Variants in MAP3K21 observed in about 807,000 individuals in gnomAD.
MAP3K21 encodes mitogen-activated protein kinase kinase kinase 21.
Under a neutral mutation model 86.1 loss-of-function variants are expected in MAP3K21, and 63 were observed. That is an observed-to-expected ratio of 0.73 (90% CI 0.60 to 0.90). The LOEUF (loss-of-function observed/expected upper bound fraction) is 0.90. MAP3K21 is among the 40% of genes least tolerant of loss of function. The pLI is 0.00. For missense variants in MAP3K21, 1,220 were observed against 1,367.7 expected, an observed-to-expected ratio of 0.89 and a Z score of 1.70; for synonymous variants, 558 against 564.8, an observed-to-expected ratio of 0.99 and a Z score of 0.17.
At chr1:233,377,803 G>A (rs2102767934) in intron 8 of MAP3K21, among the ~76,000 whole-genome samples, 1 of 152,242 alleles carries the variant, frequency 6.6e-6, no homozygotes, top group East Asian at 1.9e-4. Context: ...GGAGCCCTGA[G>A]CTTGTTTTCC....
Position 233,328,176 on chromosome 1 carries a change from G to C in MAP3K21, c.148G>C (p.Glu50Gln), listed in dbSNP as rs1662731334. ...AGLWAALYDY[E>Q]ARGEDELSLR... ...GCTGTGGGCCGCGCTCTATGACTACGAGGCTCGCGGCGAGGACGAGCTGAG... is the reference window on the plus strand; with the variant it reads ...GCTGTGGGCCGCGCTCTATGACTACCAGGCTCGCGGCGAGGACGAGCTGAG... Residue 50 changes from glutamate (E) to glutamine (Q), a missense_variant, in exon 1 of 10, where the codon GAG (glutamate) becomes CAG (glutamine). Around this residue, in one of 5 missense-constraint regions of MAP3K21, gnomAD observed 369 missense variants for 385.3 expected, o/e 0.96. Coordinates refer to ENST00000366624, the MANE Select transcript of MAP3K21 (RefSeq NM_032435.3). The surrounding 1 kb of genome is among the most constrained non-coding windows in gnomAD (Gnocchi z 8.7). 2 of 1,477,202 alleles carry C rather than the reference G, an allele frequency of 1.4e-6. No homozygotes were observed. The highest frequency in any genetic ancestry group is 3.0e-5 in the East Asian group (1 of 33,766). 91.5% of individuals were successfully genotyped at this position (1,477,202 alleles called of 1,614,324 possible).
Position 233,348,830 on chromosome 1 carries a change from G to A in MAP3K21, c.986+2208G>A, listed in dbSNP as rs149017321. On this transcript the variant is annotated intron_variant, in intron 2 of 9. Coordinates refer to ENST00000366624, the MANE Select transcript of MAP3K21 (RefSeq NM_032435.3). Reference sequence around the variant, plus strand: ...TAAGAGTCCAGTACTTGTAAGTGCCGGAACCTTTTAAGAACCCAGGTCTGC... The same window carrying A: ...TAAGAGTCCAGTACTTGTAAGTGCCAGAACCTTTTAAGAACCCAGGTCTGC... Among the ~76,000 whole-genome samples the A allele has an allele frequency of 7.3e-4, 111 of 152,122 alleles. No homozygotes were observed. The Middle Eastern group carries it at 0.014, about 19-fold the overall frequency.
At chr1:233,356,724 A>G (rs1310689313) in intron 4 of MAP3K21, among the ~76,000 whole-genome samples, 1 of 152,176 alleles carries the variant, frequency 6.6e-6, no homozygotes, top group Non-Finnish European at 1.5e-5. Context: ...TGCCTAACCT[A>G]TTGTATTCTT....
chr1:233,363,448 G>A (rs1467218007), intron 5 of MAP3K21, among the ~76,000 whole-genome samples: 2 of 151,932 alleles, frequency 1.3e-5, no homozygotes, highest in Non-Finnish European at 2.9e-5. Flanking sequence ...CTGTAATCGC[G>A]GCACTTTGGT....
chr1:233,364,361 A>G (rs558530982), intron 5 of MAP3K21, among the ~76,000 whole-genome samples: 1 of 152,250 alleles, frequency 6.6e-6, no homozygotes, highest in Non-Finnish European at 1.5e-5. Context: ...TTTCTTCTCC[A>G]TTTTTCAGTT....
At chr1:233,355,719 C>T (rs1156411298) in intron 4 of MAP3K21, among the ~76,000 whole-genome samples, 1 of 152,072 alleles carries the variant, frequency 6.6e-6, no homozygotes, top group Non-Finnish European at 1.5e-5. Flanking sequence ...TCCCAGGTAC[C>T]CAGTCTCAAG....
chr1:233,351,938 G>T (rs1183019992), intron 2 of MAP3K21, among the ~76,000 whole-genome samples: 1 of 152,066 alleles, frequency 6.6e-6, no homozygotes, highest in Admixed American at 6.6e-5. Flanking sequence ...ACCCATGCTG[G>T]ACTGTGGTGG....
chr1:233,355,028 A>C lies in MAP3K21; in HGVS notation c.1311+17A>C, dbSNP rs370494634. On this transcript the variant is annotated intron_variant, in intron 4 of 9. Transcript: ENST00000366624. Reference sequence around the variant, plus strand: ...AAGGAAAAGGTGAGAGAAATTTTTAAACAGCATAATGTACTCAAATTTATG... The same window carrying C: ...AAGGAAAAGGTGAGAGAAATTTTTACACAGCATAATGTACTCAAATTTATG... The C allele has an allele frequency of 6.3e-7, 1 of 1,590,414 alleles. No homozygotes were observed. Among genetic ancestry groups the C allele is most frequent in the Non-Finnish European group, 8.6e-7 (1 of 1,160,388 alleles).
At chr1:233,365,075 G>A (rs572226067) in intron 5 of MAP3K21, among the ~76,000 whole-genome samples, 2 of 152,254 alleles carry the variant, frequency 1.3e-5, no homozygotes, top group East Asian at 3.9e-4. Context: ...TTTTCTTGGA[G>A]AATTCCGCTT....
intron 4 of MAP3K21, among the ~76,000 whole-genome samples, chr1:233,361,238 A>G (rs1663460577): frequency 6.6e-6 from 1 of 152,156 alleles, no homozygotes; most frequent in Non-Finnish European, 1.5e-5. Context: ...TAATTCTTAG[A>G]TTTTCTCTTT....
At position 233,376,067 on chromosome 1, in the gene MAP3K21, G is replaced by A. The variant is rs1248531149; in HGVS notation, c.1826+1G>A. ...AAGATAGAACAGATTGCAAAGAAAGGTACGTGTGTGGTATCTGGTGGTATT... is the reference window on the plus strand; with the variant it reads ...AAGATAGAACAGATTGCAAAGAAAGATACGTGTGTGGTATCTGGTGGTATT... On this transcript the variant is annotated splice_donor_variant, in intron 7 of 9. Transcript: ENST00000366624. LOFTEE classifies it high-confidence loss of function. 3 of 1,599,524 alleles carry A rather than the reference G, an allele frequency of 1.9e-6. No individual in the cohort carries two copies. Among genetic ancestry groups the A allele is most frequent in the Non-Finnish European group, 2.5e-6 (3 of 1,176,478 alleles).
chr1:233,348,248 C>T (rs1386284390), intron 2 of MAP3K21, among the ~76,000 whole-genome samples: 1 of 152,142 alleles, frequency 6.6e-6, no homozygotes, highest in Non-Finnish European at 1.5e-5. Context: ...TTAGAATATT[C>T]CTTTGTGACT....
Position 233,328,422 on chromosome 1 carries a change from G to T in MAP3K21, c.394G>T (p.Ala132Ser), listed in dbSNP as rs1278879074. The T allele has an allele frequency of 5.4e-6, 8 of 1,493,930 alleles. No individual in the cohort carries two copies. The highest frequency in any genetic ancestry group is 7.1e-6 in the Non-Finnish European group (8 of 1,130,048). 92.5% of individuals were successfully genotyped at this position (1,493,930 alleles called of 1,614,324 possible). A position where few individuals can be genotyped will look rare whatever the true frequency, so the allele number is the denominator to read the frequency against. ...GCTGGAGCTGAAGGAGCTCATCGGC[G>T]CTGGGGGCTTCGGGCAGGTGTACCG... The part of the protein sequence containing the change: ...ERLELKELIG[A>S]GGFGQVYRAT... Residue 132 changes from alanine to serine, a missense_variant, in exon 1 of 10, where the codon GCT becomes TCT. By Grantham distance (99) the Ala-to-Ser change is moderately conservative (BLOSUM62 1). This residue lies in a region of MAP3K21 where 369 missense variants were observed against 385.3 expected (regional missense o/e 0.96). Transcript: ENST00000366624. The surrounding 1 kb of genome is among the most constrained non-coding windows in gnomAD (Gnocchi z 8.7).
chr1:233,359,218 T>G lies in MAP3K21; in HGVS notation c.1312-2835T>G, dbSNP rs532328037. On this transcript the variant is annotated intron_variant, in intron 4 of 9. Coordinates refer to ENST00000366624, the MANE Select transcript of MAP3K21 (RefSeq NM_032435.3). ...TGTTGTATTAAAATAAAAGCATGCT[T>G]CAAGGGTGGATGTCAGCTCTTTCTC... Among the ~76,000 whole-genome samples the G allele has an allele frequency of 3.3e-5, 5 of 152,306 alleles. No individual in the cohort carries two copies. The East Asian group carries it at 5.8e-4, about 18-fold the overall frequency.
chr1:233,357,022 G>A (rs781406838), intron 4 of MAP3K21, among the ~76,000 whole-genome samples: 3 of 152,218 alleles, frequency 2.0e-5, no homozygotes, highest in Admixed American at 6.5e-5. Flanking sequence ...TGTAATCCCA[G>A]TGCTTTGGGA....
chr1:233,366,733 A>T (rs1467927810), intron 5 of MAP3K21, among the ~76,000 whole-genome samples: 1 of 152,226 alleles, frequency 6.6e-6, no homozygotes, highest in Non-Finnish European at 1.5e-5. Context: ...CTTGGTATTA[A>T]ATATGAATCA....
intron 6 of MAP3K21, among the ~76,000 whole-genome samples, chr1:233,374,503 A>C (rs779786977): frequency 2.0e-5 from 3 of 152,182 alleles, no homozygotes; most frequent in Admixed American, 6.5e-5. Flanking sequence ...AGACACGTGT[A>C]TATACACACA....
intron 2 of MAP3K21, among the ~76,000 whole-genome samples, chr1:233,352,111 T>G (rs1663262028): frequency 6.6e-6 from 1 of 152,148 alleles, no homozygotes; most frequent in South Asian, 2.1e-4. Context: ...GGTCTTGCAC[T>G]CCTGGGCTCA....
rs767830835 is a variant in MAP3K21, at chr1:233,354,867, A to G, written c.1167A>G (p.Pro389=). The G allele has an allele frequency of 1.9e-6, 3 of 1,614,102 alleles. No homozygotes were observed. Among genetic ancestry groups the G allele is most frequent in the Non-Finnish European group, 2.5e-6 (3 of 1,179,976 alleles). ...GGCAACAAGACCCTCATATTCGTCC[A>G]TCGTTTGCCTTAATTCTCGAACAGT... ...ECWQQDPHIR[P]SFALILEQLT... is the part of the protein sequence containing the mutation. Residue 389 remains proline (P), a synonymous_variant, in exon 4 of 10, where the codon CCA becomes CCG. Transcript: ENST00000366624.
Sources: gnomAD v4.1 joint callset for allele counts (sites outside exome capture counted in the v4.1 genomes callset) on GRCh38, gnomAD v4.1.1 for gene constraint, gnomAD v4.1.1 regional missense constraint, Gnocchi (gnomAD v3.1) non-coding constraint, MANE v1.5 for transcripts, NCBI Gene and HGNC (gene_info 2026-07-23, HGNC 2026-07-21) for gene names.